SNX25: variants seen among roughly 807,000 people sequenced by gnomAD.
SNX25 encodes sorting nexin 25.
A neutral mutation model predicts 113.7 loss-of-function variants in SNX25; 62 were observed. The observed-to-expected ratio is 0.55, with a 90% CI of 0.44 to 0.67. The LOEUF is 0.67. Among genes scored for constraint, SNX25 ranks in the 30% least tolerant of loss-of-function variants. SNX25 has a pLI of 0.00. For missense variants in SNX25, 1,014 were observed against 1,161.0 expected, an observed-to-expected ratio of 0.87 and a Z score of 1.84; for synonymous variants, 421 against 436.2, an observed-to-expected ratio of 0.97 and a Z score of 0.43.
intron 5 of SNX25, among the ~76,000 whole-genome samples, chr4:185,272,813 T>G (rs1261482548): frequency 6.6e-6 from 1 of 152,202 alleles, no homozygotes; most frequent in Non-Finnish European, 1.5e-5. Context: ...TACCTCATTC[T>G]TTTACCACGT....
At position 185,210,240 on chromosome 4, in the gene SNX25, C is replaced by T; in HGVS notation, c.414C>T (p.Ala138=). The T allele has an allele frequency of 2.0e-6, 2 of 984,944 alleles. No homozygotes were observed. Among genetic ancestry groups the T allele is most frequent in the Non-Finnish European group, 2.4e-6 (2 of 830,084 alleles). 61.0% of individuals were successfully genotyped at this position (984,944 alleles called of 1,614,324 possible). The change falls in exon 1 of 19, where the codon GCC becomes GCT. Residue 138 remains alanine, a synonymous_variant. Transcript: ENST00000652585. This position sits in a 1 kb window ranked among gnomAD's most constrained non-coding sequence, Gnocchi z 4.4. ...AWSRLAATSA[A]RRPPGSPVYG... ...GCCGGCTGGCCGCGACCTCAGCCGC[C>T]CGCCGCCCGCCGGGGGTAAGTACCC...
chr4:185,358,550 G>T (rs1001425799), intron 16 of SNX25, among the ~76,000 whole-genome samples: 12 of 152,174 alleles, frequency 7.9e-5, no homozygotes, highest in African/African-American at 2.7e-4. Flanking sequence ...GGCCTGAAAG[G>T]GTGTCCTAGC....
chr4:185,330,280 C>T (rs2095185039), intron 9 of SNX25, among the ~76,000 whole-genome samples: 1 of 151,914 alleles, frequency 6.6e-6, no homozygotes, highest in African/African-American at 2.4e-5. Flanking sequence ...ATCTCCCTGG[C>T]TGGAGGGGAG....
chr4:185,219,815 C>G (rs1333204552), intron 1 of SNX25, among the ~76,000 whole-genome samples: 1 of 152,080 alleles, frequency 6.6e-6, no homozygotes, highest in East Asian at 1.9e-4. Flanking sequence ...TACCCGAGGG[C>G]TGCTTGCAGG....
At chr4:185,251,636 T>TGTGTGTGTGC (rs1418826090) in intron 2 of SNX25, among the ~76,000 whole-genome samples, 1 of 134,638 alleles carries the variant, frequency 7.4e-6, no homozygotes, top group Non-Finnish European at 1.7e-5. Flanking sequence ...TGTGTGTGTG[T>TGTGTGTGTGC]GCCACATTTT....
chr4:185,335,806 G>T (rs2095226398), intron 10 of SNX25, among the ~76,000 whole-genome samples: 1 of 152,204 alleles, frequency 6.6e-6, no homozygotes. Flanking sequence ...TCACTGTGAA[G>T]AATCAGTGTA....
At chr4:185,332,829 T>C (rs2095205209) in intron 10 of SNX25, 70 bp downstream of exon 10, 2 of 1,450,494 alleles carry the variant, frequency 1.4e-6, no homozygotes, top group South Asian at 1.3e-5. Context: ...TCAGTTGAGG[T>C]TGAGAAGTGT....
chr4:185,289,364 C>T (rs144886926), intron 6 of SNX25, among the ~76,000 whole-genome samples: 6 of 152,250 alleles, frequency 3.9e-5, no homozygotes, highest in African/African-American at 7.2e-5. Flanking sequence ...GGTTCTGCTG[C>T]AGGGGAGGCT....
intron 5 of SNX25, among the ~76,000 whole-genome samples, 180 bp from the exon 6 acceptor site, chr4:185,287,832 G>A (rs919686939): frequency 2.8e-4 from 43 of 152,144 alleles, no homozygotes; most frequent in African/African-American, 9.7e-4. Context: ...TGACTAGCGC[G>A]TGGCATGGGG....
the SNX25 span, chr4:185,375,771 A>G: frequency 7.5e-7 from 1 of 1,337,278 alleles, no homozygotes; most frequent in Non-Finnish European, 1.1e-6. Flanking sequence ...TTATGATCTT[A>G]AAGTAATCCC....
At chr4:185,206,863 T>A (rs1360146025), upstream of SNX25, among the ~76,000 whole-genome samples, 4 of 152,070 alleles carry the variant, frequency 2.6e-5, no homozygotes, top group Non-Finnish European at 5.9e-5. Context: ...AGTCCAACTC[T>A]GAAGGCCTCA....
In SNX25 at chr4:185,260,046, T is replaced by C. The variant is rs948578264; in HGVS notation, c.731+982T>C. On this transcript the variant is annotated intron_variant, in intron 3 of 18. Coordinates refer to ENST00000652585, the MANE Select transcript of SNX25 (RefSeq NM_001378034.2). Reference sequence around the variant, plus strand: ...GTGTTTTGCGAACTTTTTTAAAAACTATGGCCCGCTGTGAGAAATTCACTT... The same window carrying C: ...GTGTTTTGCGAACTTTTTTAAAAACCATGGCCCGCTGTGAGAAATTCACTT... Among the ~76,000 whole-genome samples, 30 of 152,184 alleles carry C rather than the reference T, an allele frequency of 2.0e-4. 1 individual carries two copies. Among genetic ancestry groups the C allele is most frequent in the African/African-American group, 7.2e-4 (30 of 41,452 alleles).
chr4:185,361,643 C>T (rs1213438992), intron 16 of SNX25, among the ~76,000 whole-genome samples: 1 of 152,082 alleles, frequency 6.6e-6, no homozygotes, highest in Admixed American at 6.6e-5. Flanking sequence ...GAAGCTGAGG[C>T]AGGAGAATCA....
intron 8 of SNX25, among the ~76,000 whole-genome samples, chr4:185,321,145 A>G (rs1328441851): frequency 6.6e-6 from 1 of 152,160 alleles, no homozygotes; most frequent in Non-Finnish European, 1.5e-5. Context: ...AAAAAGACAT[A>G]TACATATCCA....
At chr4:185,238,494 T>C (rs1023291667) in intron 1 of SNX25, among the ~76,000 whole-genome samples, 1 of 152,110 alleles carries the variant, frequency 6.6e-6, no homozygotes, top group African/African-American at 2.4e-5. Flanking sequence ...AAATTAGTCT[T>C]TGAGGCTGAG....
At chr4:185,283,546 G>A (rs1269795567) in intron 5 of SNX25, among the ~76,000 whole-genome samples, 3 of 152,184 alleles carry the variant, frequency 2.0e-5, no homozygotes, top group Non-Finnish European at 2.9e-5. Flanking sequence ...CTGGAAAGAT[G>A]ATCTGGCATT....
chr4:185,348,518 A>G (rs528430995), intron 13 of SNX25, among the ~76,000 whole-genome samples: 1 of 151,872 alleles, frequency 6.6e-6, no homozygotes, highest in Admixed American at 6.6e-5. Context: ...TCAGCCCCCC[A>G]AGTAGCTGGG....
chr4:185,363,458 A>G lies in SNX25; in HGVS notation c.3008A>G (p.Gln1003Arg). The G allele has an allele frequency of 6.2e-7, 1 of 1,614,034 alleles. No homozygotes were observed. The change falls in exon 19 of 19, where the codon CAA becomes CGA. Residue 1003 changes from glutamine to arginine, a missense_variant. By Grantham distance (43) the Gln-to-Arg change is conservative. Coordinates refer to ENST00000652585, the MANE Select transcript of SNX25 (RefSeq NM_001378034.2). This position sits in a 1 kb window ranked among gnomAD's most constrained non-coding sequence, Gnocchi z 4.2. ...RVHLDQLKAG[Q>R]V is the part of the protein sequence containing the mutation. Reference sequence around the variant, plus strand: ...CATTTAGATCAACTTAAAGCTGGCCAAGTTTGAGACTACACAAATAAACCA... The same window carrying G: ...CATTTAGATCAACTTAAAGCTGGCCGAGTTTGAGACTACACAAATAAACCA...
At chr4:185,307,625 A>C (rs1205652409) in intron 6 of SNX25, among the ~76,000 whole-genome samples, 2 of 152,148 alleles carry the variant, frequency 1.3e-5, no homozygotes, top group Non-Finnish European at 2.9e-5. Flanking sequence ...GCATCCAGCT[A>C]TGTCTGCAAA....
Sources: gnomAD v4.1 joint callset for allele counts (sites outside exome capture counted in the v4.1 genomes callset) on GRCh38, gnomAD v4.1.1 for gene constraint, Gnocchi (gnomAD v3.1) non-coding constraint, MANE v1.5 for transcripts, NCBI Gene and HGNC (gene_info 2026-07-23, HGNC 2026-07-21) for gene names.